MICAL3: variants seen among roughly 807,000 people sequenced by gnomAD.
MICAL3 encodes microtubule associated monooxygenase, calponin and LIM domain containing 3, also known as [F-actin]-monooxygenase MICAL3.
In MICAL3, 62 loss-of-function variants were observed where a neutral mutation model predicts 207.4. The observed-to-expected ratio is 0.30, with a 90% CI of 0.24 to 0.37. MICAL3 has a LOEUF of 0.37. Ranked by LOEUF, MICAL3 falls within the 10% of genes least tolerant of loss-of-function variation. The probability of loss-of-function intolerance (pLI) is 1.00; values close to 1 mark genes in which losing one functional copy is unlikely to be tolerated. For missense variants in MICAL3, 2,368 were observed against 2,635.6 expected (o/e 0.90, Z 2.22); for synonymous variants, 1,077 against 1,069.3 (o/e 1.01, Z -0.14).
In MICAL3 at chr22:17,808,894, C is replaced by G; in HGVS notation, c.5600G>C (p.Arg1867Pro). Reference protein sequence around the residue: ...QLQQVEERQRRLEERGVAVEK... With the variant: ...QLQQVEERQRPLEERGVAVEK... Reference sequence around the variant, plus strand: ...CACAGCCACGCCCCTTTCCTCCAGCCGCCGCTGCCTCTCCTCCACCTGCTG... The same window carrying G: ...CACAGCCACGCCCCTTTCCTCCAGCGGCCGCTGCCTCTCCTCCACCTGCTG... Residue 1867 changes from arginine (R) to proline (P), a missense_variant, in exon 29 of 32, where the codon CGG (arginine) becomes CCG (proline). By Grantham distance (103) the Arg-to-Pro change is moderately radical. Around this residue, in one of 4 missense-constraint regions of MICAL3, gnomAD observed 1,770 missense variants for 1,863.2 expected, o/e 0.95. Transcript: ENST00000441493. 2 of 1,553,734 alleles carry G rather than the reference C, an allele frequency of 1.3e-6. No homozygotes were observed. Among genetic ancestry groups the G allele is most frequent in the Non-Finnish European group, 1.7e-6 (2 of 1,148,608 alleles).
Position 17,872,860 on chromosome 22 carries a change from G to A in MICAL3, c.2242-837C>T, listed in dbSNP as rs199620423. 8.4e-5 allele frequency: 130 copies of A among 1,550,072 alleles called. No individual in the cohort carries two copies. In the African/African-American group the frequency reaches 1.5e-3, roughly 17 times the overall value. The stretch of plus-strand genomic sequence containing the variant: ...GTGTACATCTTTATATACTTCTATC[G>A]GTTGAAGATTACAAAATGACCAGAA... On this transcript the variant is annotated intron_variant, in intron 16 of 31. Transcript: ENST00000441493.
At chr22:17,953,965 A>AAAAAAAAAAAAAAAAAAAAAAAAAAAC (rs1934486483) in intron 1 of MICAL3, among the ~76,000 whole-genome samples, 1 of 142,012 alleles carries the variant, frequency 7.0e-6, no homozygotes, top group Admixed American at 6.9e-5. Flanking sequence ...AAAAAAAAAA[A>AAAAAAAAAAAAAAAAAAAAAAAAAAAC]AAGAAAAGAA....
intron 1 of MICAL3, among the ~76,000 whole-genome samples, chr22:17,954,769 C>T (rs1344394170): frequency 2.7e-5 from 4 of 148,004 alleles, no homozygotes; most frequent in Non-Finnish European, 5.9e-5. Flanking sequence ...TTTTTTGAGA[C>T]GGAATCTCGC....
At chr22:17,889,993 G>A (rs1930261986) in intron 12 of MICAL3, among the ~76,000 whole-genome samples, 1 of 152,112 alleles carries the variant, frequency 6.6e-6, no homozygotes, top group Admixed American at 6.5e-5. Context: ...TACTAAATCA[G>A]CTCTGATCAA....
intron 1 of MICAL3, among the ~76,000 whole-genome samples, chr22:17,938,528 G>T (rs1933655135): frequency 6.6e-6 from 1 of 152,144 alleles, no homozygotes; most frequent in South Asian, 2.1e-4. Flanking sequence ...GTATTAGGCC[G>T]CTGGGATTCT....
chr22:17,814,829 C>CT (rs2062086169), intron 27 of MICAL3: 1 of 147,434 alleles, frequency 6.8e-6, no homozygotes, highest in Non-Finnish European at 1.5e-5. Context: ...CATCCCCTAG[C>CT]CGGGCCGTCC....
intron 20 of MICAL3, among the ~76,000 whole-genome samples, chr22:17,835,847 G>A (rs1018460571): frequency 2.0e-5 from 3 of 152,196 alleles, no homozygotes; most frequent in Admixed American, 1.3e-4. Context: ...GGCAGGTGCC[G>A]GGTCACCACT....
At chr22:18,004,650 G>A (rs982905464) in intron 1 of MICAL3, 1 of 152,300 alleles carries the variant, frequency 6.6e-6, no homozygotes, top group African/African-American at 2.4e-5. Flanking sequence ...TGCTCACTAT[G>A]TGCTAGGTAC....
intron 20 of MICAL3, chr22:17,839,876 T>TC (rs1405828659): frequency 2.0e-5 from 3 of 151,740 alleles, no homozygotes; most frequent in African/African-American, 7.3e-5. Context: ...CTCTTCACTT[T>TC]TAAGAGACTG....
At chr22:17,936,643 G>A (rs1192876537) in intron 1 of MICAL3, among the ~76,000 whole-genome samples, 1 of 151,650 alleles carries the variant, frequency 6.6e-6, no homozygotes, top group Non-Finnish European at 1.5e-5. Context: ...GAGATTATGT[G>A]AATATATATT....
intron 1 of MICAL3, among the ~76,000 whole-genome samples, chr22:17,971,192 G>T (rs1056296999): frequency 6.6e-6 from 1 of 151,304 alleles, no homozygotes; most frequent in East Asian, 2.0e-4. Flanking sequence ...AAAAGGGGGG[G>T]GCTGGGCGCT....
At chr22:17,867,195 C>T (rs1206676850) in intron 17 of MICAL3, among the ~76,000 whole-genome samples, 1 of 152,138 alleles carries the variant, frequency 6.6e-6, no homozygotes, top group Non-Finnish European at 1.5e-5. Context: ...TAGAAAGACA[C>T]AGATTTTAAA....
chr22:18,000,836 G>A (rs764069898), intron 1 of MICAL3, among the ~76,000 whole-genome samples: 70 of 152,306 alleles, frequency 4.6e-4, no homozygotes, highest in Non-Finnish European at 9.1e-4. Context: ...CTTGGCGCAC[G>A]CTAGCTCCAG....
At position 18,011,523 on chromosome 22, in the gene MICAL3, A is replaced by G. The variant is rs146311760; in HGVS notation, c.-75+12758T>C. ...AGATCACTTGCAGTGAGCCGAGATC[A>G]CGCCATTGCACTCCAGCCTGGGCAA... is the stretch of plus-strand genomic sequence containing the variant. On this transcript the variant is annotated intron_variant, in intron 1 of 31. Transcript: ENST00000441493. 8.9e-3 allele frequency among the ~76,000 whole-genome samples: 1,347 copies of G among 150,742 alleles called. 17 individuals are homozygous for G. Among genetic ancestry groups the G allele is most frequent in the African/African-American group, 0.03 (1,236 of 40,984 alleles).
rs1422379719 is a variant in MICAL3 at position 17,793,413 on chromosome 22, T to A, written c.5651-2112A>T. Among the ~76,000 whole-genome samples the A allele has an allele frequency of 6.6e-6, 1 of 152,162 alleles. No homozygotes were observed. Among genetic ancestry groups the A allele is most frequent in the Admixed American group, 6.5e-5 (1 of 15,282 alleles). ...GCACGCAGGCGGGAGGCTCCTCACC[T>A]GCATGCCTGCCCCTCTATCTGATGG... On this transcript the variant is annotated intron_variant, in intron 29 of 31. Transcript: ENST00000441493. This position sits in a 1 kb window ranked among gnomAD's most constrained non-coding sequence, Gnocchi z 4.1.
intron 17 of MICAL3, among the ~76,000 whole-genome samples, chr22:17,866,704 T>G (rs1438673864): frequency 6.8e-6 from 1 of 147,780 alleles, no homozygotes; most frequent in East Asian, 2.0e-4. Context: ...GAGTGTACTG[T>G]GGCATGATGA....
In MICAL3 at chr22:17,893,885, G is replaced by C; in HGVS notation, c.1469C>G (p.Thr490Ser). 6.4e-7 allele frequency: 1 copy of C among 1,560,824 alleles called. No homozygotes were observed. ...CAGGTGAATATCTTTTGTTTCGCCA[G>C]TATCATATAAATGGCGCACCTGGCA... ...RPSQVRHLYD[T>S]GETKDIHLEM... Residue 490 changes from threonine (T) to serine (S), a missense_variant, in exon 11 of 32, where the codon ACT (threonine) becomes AGT (serine). Transcript: ENST00000441493.
chr22:17,908,430 C>T (rs1415733589), intron 1 of MICAL3, among the ~76,000 whole-genome samples: 1 of 152,188 alleles, frequency 6.6e-6, no homozygotes, highest in Non-Finnish European at 1.5e-5. Context: ...GCCTCAGCCT[C>T]CCAAGTAGCT....
At chr22:18,010,754 T>C (rs1199865084) in intron 1 of MICAL3, among the ~76,000 whole-genome samples, 1 of 151,916 alleles carries the variant, frequency 6.6e-6, no homozygotes, top group Non-Finnish European at 1.5e-5. Context: ...AGAAGGAGAA[T>C]TGAGAAGGAT....
Sources: gnomAD v4.1 joint callset for allele counts (sites outside exome capture counted in the v4.1 genomes callset) on GRCh38, gnomAD v4.1.1 for gene constraint, gnomAD v4.1.1 regional missense constraint, Gnocchi (gnomAD v3.1) non-coding constraint, MANE v1.5 for transcripts, NCBI Gene and HGNC (gene_info 2026-07-23, HGNC 2026-07-21) for gene names.